IFT88: variants seen among roughly 807,000 people sequenced by gnomAD.
IFT88 encodes intraflagellar transport 88, also known as intraflagellar transport protein 88 homolog.
In IFT88, 74 loss-of-function variants were observed where a neutral mutation model predicts 119.5. The ratio of observed to expected loss-of-function variants is 0.62; its 90% confidence interval spans 0.51 to 0.75. The LOEUF (loss-of-function observed/expected upper bound fraction) is 0.75. Among genes scored for constraint, IFT88 ranks in the 30% least tolerant of loss-of-function variants. The pLI is 0.00. For synonymous variants in IFT88, 279 were observed against 316.7 expected, an observed-to-expected ratio of 0.88 and a Z score of 1.26; for missense variants, 961 against 977.7, an observed-to-expected ratio of 0.98 and a Z score of 0.23.
At chr13:20,642,142 G>A (rs1225260503) in intron 18 of IFT88, 1 of 152,028 alleles carries the variant, frequency 6.6e-6, no homozygotes, top group African/African-American at 2.4e-5. Context: ...GTAAGCTTTG[G>A]CCACAACATT....
At chr13:20,644,620 A>G (rs1376851294) in intron 19 of IFT88, among the ~76,000 whole-genome samples, 1 of 152,070 alleles carries the variant, frequency 6.6e-6, no homozygotes, top group Non-Finnish European at 1.5e-5. Flanking sequence ...CAGCTCATAT[A>G]TTGTTATATC....
At chr13:20,604,666 A>G (rs1237732142) in intron 12 of IFT88, among the ~76,000 whole-genome samples, 1 of 152,240 alleles carries the variant, frequency 6.6e-6, no homozygotes, top group African/African-American at 2.4e-5. Flanking sequence ...TGGAAATTCA[A>G]GTTCGTGGCT....
chr13:20,574,598 A>G (rs1242530433), intron 2 of IFT88, 123 bp downstream of exon 2: 4 of 494,854 alleles, frequency 8.1e-6, no homozygotes, highest in Non-Finnish European at 1.4e-5. Context: ...AAAACCTAGA[A>G]AAGTGCTATT....
intron 24 of IFT88, among the ~76,000 whole-genome samples, chr13:20,676,604 CCT>C (rs2056697809): frequency 2.6e-5 from 4 of 152,276 alleles, no homozygotes; most frequent in South Asian, 2.1e-4. Context: ...CAAGTGTACC[CCT>C]GTCTCACTGT....
At chr13:20,575,279 A>C (rs974979763) in intron 2 of IFT88, among the ~76,000 whole-genome samples, 6 of 152,162 alleles carry the variant, frequency 3.9e-5, no homozygotes, top group Admixed American at 3.9e-4. Context: ...ACATTATTGC[A>C]AATGACAGGA....
intron 11 of IFT88, among the ~76,000 whole-genome samples, chr13:20,599,767 T>G (rs927656597): frequency 6.6e-6 from 1 of 152,136 alleles, no homozygotes. Flanking sequence ...GCATTGTATA[T>G]GATCATATGA....
rs34411338 is a variant in IFT88, at chr13:20,668,364, C to CT, written c.2176-2598dup. ...AACTGAGTCTTGACAGTTGAGATTT[C>CT]TTTTTTTTTTTCTTACATAATAGGC... On this transcript the variant is annotated intron_variant, in intron 23 of 25. Transcript: ENST00000351808. Among the ~76,000 whole-genome samples the CT allele has an allele frequency of 1.7e-4, 26 of 149,956 alleles. No homozygotes were observed. The South Asian group carries it at 1.9e-3, about 11-fold the overall frequency.
Position 20,691,145 on chromosome 13 carries a change from A to C in IFT88, c.2445A>C (p.Glu815Asp). Reference sequence around the variant, plus strand: ...TCGATGAGGATGATTTTGCTGATGAAGAATTAGGAGATGATTTGCTTCCAG... The same window carrying C: ...TCGATGAGGATGATTTTGCTGATGACGAATTAGGAGATGATTTGCTTCCAG... ...KRIDEDDFAD[E>D]ELGDDLLPE is the part of the protein sequence containing the mutation. The change falls in exon 26 of 26, where the codon GAA becomes GAC. Residue 815 changes from glutamate to aspartate, a missense_variant. Glu to Asp is a conservative substitution (Grantham distance 45). Coordinates refer to ENST00000351808, the MANE Select transcript of IFT88 (RefSeq NM_006531.5). 1 of 1,613,692 alleles carries C rather than the reference A, an allele frequency of 6.2e-7. No individual in the cohort carries two copies. The highest frequency in any genetic ancestry group is 8.5e-7 in the Non-Finnish European group (1 of 1,179,774).
At chr13:20,617,609 C>T (rs949348261) in intron 14 of IFT88, among the ~76,000 whole-genome samples, 1 of 152,096 alleles carries the variant, frequency 6.6e-6, no homozygotes, top group Non-Finnish European at 1.5e-5. Context: ...ATCTCTGTTG[C>T]CAGAGAGGCC....
At chr13:20,629,208 A>T (rs999509508) in intron 15 of IFT88, among the ~76,000 whole-genome samples, 1 of 152,186 alleles carries the variant, frequency 6.6e-6, no homozygotes, top group Non-Finnish European at 1.5e-5. Flanking sequence ...AGACTATCTC[A>T]ATTCTTATTT....
chr13:20,598,768 T>C lies in IFT88; in HGVS notation c.697+15T>C, dbSNP rs146264690. On this transcript the variant is annotated intron_variant, in intron 10 of 25. Transcript: ENST00000351808. ...TAGCAATGCAGGTAAGTGTACATAA[T>C]CAGTTTTTCCAATAGATGTAATTCT... is the stretch of plus-strand genomic sequence containing the variant. 1.1e-3 allele frequency: 1,674 copies of C among 1,460,596 alleles called. 8 individuals are homozygous for C. In the African/African-American group the frequency reaches 0.014, roughly 12 times the overall value. The allele number at this position is 1,460,596 out of a possible 1,614,324, so 90.5% of individuals were successfully genotyped here. A position where few individuals can be genotyped will look rare whatever the true frequency, so the allele number is the denominator to read the frequency against.
chr13:20,568,515 C>T (rs570031998), intron 1 of IFT88, among the ~76,000 whole-genome samples: 70 of 152,282 alleles, frequency 4.6e-4, no homozygotes, highest in African/African-American at 1.4e-3. Context: ...AAAGTTGCTT[C>T]CTTCTATAAC....
chr13:20,619,200 GAAATGGTA>G (rs2046124578), intron 14 of IFT88, among the ~76,000 whole-genome samples: 2 of 152,172 alleles, frequency 1.3e-5, no homozygotes, highest in South Asian at 4.2e-4. Context: ...AAAATTATCC[GAAATGGTA>G]ACTCAGCTCA....
At chr13:20,575,021 C>T (rs1475441609) in intron 2 of IFT88, among the ~76,000 whole-genome samples, 1 of 151,612 alleles carries the variant, frequency 6.6e-6, no homozygotes, top group Non-Finnish European at 1.5e-5. Flanking sequence ...TGACTATAGT[C>T]ACCCCATTTT....
intron 23 of IFT88, among the ~76,000 whole-genome samples, chr13:20,666,897 A>C (rs1594785232): frequency 6.6e-6 from 1 of 152,370 alleles, no homozygotes; most frequent in East Asian, 1.9e-4. Flanking sequence ...ATTTTTACAA[A>C]TATATACAAA....
chr13:20,628,709 A>G (rs1216776413), intron 15 of IFT88, among the ~76,000 whole-genome samples: 1 of 152,196 alleles, frequency 6.6e-6, no homozygotes, highest in Admixed American at 6.5e-5. Flanking sequence ...TAGTTTAGAA[A>G]CGTATAATAT....
At chr13:20,616,354 C>T (rs2045608609) in intron 14 of IFT88, among the ~76,000 whole-genome samples, 1 of 152,208 alleles carries the variant, frequency 6.6e-6, no homozygotes, top group South Asian at 2.1e-4. Flanking sequence ...GTCCTGGAAG[C>T]TCCATTCATG....
At chr13:20,672,172 A>AAATTCACTG (rs1283127878) in intron 24 of IFT88, among the ~76,000 whole-genome samples, 1 of 152,126 alleles carries the variant, frequency 6.6e-6, no homozygotes, top group African/African-American at 2.4e-5. Flanking sequence ...CTGTGCTTTG[A>AAATTCACTG]AATTCAAGGA....
chr13:20,657,268 C>T (rs368238892), intron 22 of IFT88, among the ~76,000 whole-genome samples: 9 of 152,166 alleles, frequency 5.9e-5, no homozygotes, highest in Admixed American at 5.2e-4. Context: ...TCTTGTTGCA[C>T]AGTGGATTGA....
Sources: allele counts gnomAD v4.1 joint callset (sites outside exome capture counted in the v4.1 genomes callset), GRCh38; gene constraint gnomAD v4.1.1; transcripts MANE v1.5; gene names NCBI Gene and HGNC (gene_info 2026-07-23, HGNC 2026-07-21).